CEP57L1: variants seen among roughly 807,000 people sequenced by gnomAD.
CEP57L1 encodes the protein centrosomal protein CEP57L1.
Under a neutral mutation model 61.0 loss-of-function variants are expected in CEP57L1, and 37 were observed. The ratio of observed to expected loss-of-function variants is 0.61; its 90% CI spans 0.47 to 0.80. The LOEUF is 0.80. CEP57L1 is among the 30% of genes least tolerant of loss of function. CEP57L1 has a pLI of 0.00. For synonymous variants in CEP57L1, 137 were observed against 162.3 expected (o/e 0.84, Z 1.19); for missense variants, 422 against 524.7 (o/e 0.80, Z 1.91).
Position 109,167,718 on chromosome 6 carries a change from C to T in CEP57L1, c.*4748C>T, listed in dbSNP as rs566442253. ...GAAAAGAAAAGAAAAAAGGAATAGC[C>T]CAGTATTGTTTGTTTGGGGAGGGGC... On this transcript the variant is annotated 3_prime_UTR_variant, in exon 11 of 11. Transcript: ENST00000517392. 6.6e-6 allele frequency among the ~76,000 whole-genome samples: 1 copy of T among 152,018 alleles called. No homozygotes were observed. The highest frequency in any genetic ancestry group is 1.5e-5 in the Non-Finnish European group (1 of 67,938).
intron 1 of CEP57L1, among the ~76,000 whole-genome samples, chr6:109,138,042 G>T (rs1332504987): frequency 1.3e-5 from 2 of 152,208 alleles, no homozygotes; most frequent in African/African-American, 2.4e-5. Flanking sequence ...GCAGGAGCAT[G>T]TTTGACTATT....
chr6:109,146,189 T>C (rs942518541), intron 2 of CEP57L1, among the ~76,000 whole-genome samples: 7 of 151,928 alleles, frequency 4.6e-5, no homozygotes, highest in African/African-American at 1.7e-4. Context: ...ATTAATATAG[T>C]TGAATATAAG....
intron 1 of CEP57L1, among the ~76,000 whole-genome samples, chr6:109,121,506 A>G (rs1040013198): frequency 1.3e-5 from 2 of 152,176 alleles, no homozygotes; most frequent in African/African-American, 4.8e-5. Context: ...TCTGGATGTA[A>G]TGAAAATATT....
At chr6:109,101,017 G>C (rs1050264328) in intron 1 of CEP57L1, among the ~76,000 whole-genome samples, 18 of 152,192 alleles carry the variant, frequency 1.2e-4, no homozygotes, top group Non-Finnish European at 1.9e-4. Context: ...TGAGGCAGGA[G>C]AATCGCCTGA....
intron 1 of CEP57L1, among the ~76,000 whole-genome samples, chr6:109,119,404 A>T (rs971426787): frequency 3.9e-5 from 6 of 152,174 alleles, no homozygotes; most frequent in Non-Finnish European, 5.9e-5. Flanking sequence ...GGTGGTAAGG[A>T]TGGGAGAGGA....
At chr6:109,157,858 G>C (rs1242605640) in intron 7 of CEP57L1, 1 of 152,130 alleles carries the variant, frequency 6.6e-6, no homozygotes, top group Non-Finnish European at 1.5e-5. Context: ...AATCAGATGT[G>C]TAGATTTTTG....
intron 9 of CEP57L1, 48 bp from the exon 10 acceptor site, chr6:109,160,524 A>T: frequency 7.1e-7 from 1 of 1,399,862 alleles, no homozygotes; most frequent in Non-Finnish European, 9.7e-7. Flanking sequence ...GCAAAGAAAT[A>T]TATGCAATAA....
chr6:109,129,236 A>G (rs572492957), intron 1 of CEP57L1: 1 of 556,494 alleles, frequency 1.8e-6, no homozygotes, highest in South Asian at 3.6e-5. Context: ...GAAACTCCAA[A>G]TCTATCCAAT....
Position 109,127,529 on chromosome 6 carries a change from T to C in CEP57L1, c.-3-17690T>C, listed in dbSNP as rs183197416. 7.2e-5 allele frequency among the ~76,000 whole-genome samples: 11 copies of C among 152,234 alleles called. No homozygotes were observed. The East Asian group carries it at 2.1e-3, about 29-fold the overall frequency. The stretch of plus-strand genomic sequence containing the variant: ...TCTCCTGCTTTTTCCCCACTTCTCT[T>C]AACATTCCTTTTTTTTAATCTCCTT... On this transcript the variant is annotated intron_variant, in intron 1 of 10. Coordinates refer to ENST00000517392, the MANE Select transcript of CEP57L1 (RefSeq NM_001271852.3).
rs1774210078 is a variant in CEP57L1, at chr6:109,167,925, A to G, written c.*4955A>G. 6.6e-6 allele frequency among the ~76,000 whole-genome samples: 1 copy of G among 152,236 alleles called. No individual in the cohort carries two copies. Among genetic ancestry groups the G allele is most frequent in the South Asian group, 2.1e-4 (1 of 4,834 alleles). ...AAAATACTGTATTAGCTACTATGGA[A>G]TTCCGTTTTCAAGTTGCTTATAGTC... On this transcript the variant is annotated 3_prime_UTR_variant, in exon 11 of 11. Transcript: ENST00000517392.
intron 1 of CEP57L1, chr6:109,130,669 T>G (rs546836433): frequency 5.9e-5 from 9 of 151,730 alleles, no homozygotes; most frequent in Admixed American, 2.6e-4. Context: ...TTTTGTTTTT[T>G]TTTTTTTTTT....
rs569140232 is a variant in CEP57L1 at position 109,168,553 on chromosome 6, G to C, written c.*5583G>C. Among the ~76,000 whole-genome samples the C allele has an allele frequency of 6.6e-6, 1 of 150,664 alleles. No homozygotes were observed. The highest frequency in any genetic ancestry group is 2.1e-4 in the South Asian group (1 of 4,772). The stretch of plus-strand genomic sequence containing the variant: ...TTTCATAGTACATACAGTCATACCG[G>C]TGGATTGTCAAATCAATTTAGCGGG... On this transcript the variant is annotated 3_prime_UTR_variant, in exon 11 of 11. Transcript: ENST00000517392.
At chr6:109,159,545 GC>G (rs1773543462) in intron 9 of CEP57L1, 83 bp downstream of exon 9, 2 of 1,315,694 alleles carry the variant, frequency 1.5e-6, no homozygotes, top group African/African-American at 3.0e-5. Context: ...CTGGTTTCAG[GC>G]AATCCTCCTG....
chr6:109,170,658 CTTAAAA>C lies in CEP57L1; in HGVS notation c.*7694_*7699del, dbSNP rs1472355484. Among the ~76,000 whole-genome samples, 1 of 152,198 alleles carries C rather than the reference CTTAAAA, an allele frequency of 6.6e-6. No homozygotes were observed. The highest frequency in any genetic ancestry group is 1.5e-5 in the Non-Finnish European group (1 of 68,024). On this transcript the variant is annotated 3_prime_UTR_variant, in exon 11 of 11. Coordinates refer to ENST00000517392, the MANE Select transcript of CEP57L1 (RefSeq NM_001271852.3). ...ACCATTTTGGTGCACAGGAAACCCA[CTTAAAA>C]TTAAATTTTAAAAAGCTCTCGAGAA... is the stretch of plus-strand genomic sequence containing the variant.
At chr6:109,112,569 G>T (rs1427578455) in intron 1 of CEP57L1, among the ~76,000 whole-genome samples, 1 of 151,918 alleles carries the variant, frequency 6.6e-6, no homozygotes, top group African/African-American at 2.4e-5. Context: ...GAATTTGTTT[G>T]CTGTGGCTTC....
chr6:109,127,679 G>C (rs917014933), intron 1 of CEP57L1, among the ~76,000 whole-genome samples: 2 of 151,898 alleles, frequency 1.3e-5, no homozygotes, highest in African/African-American at 4.8e-5. Flanking sequence ...GGAGTGCAGT[G>C]GCGCAGTCTC....
At position 109,166,181 on chromosome 6, in the gene CEP57L1, T is replaced by C. The variant is rs2114982292; in HGVS notation, c.*3211T>C. On this transcript the variant is annotated 3_prime_UTR_variant, in exon 11 of 11. Transcript: ENST00000517392. ...GAGGGTCAGAGGGAAATGTTCAGTT[T>C]TCAACAATGTAAGATTAAAGTGGGA... Among the ~76,000 whole-genome samples, 1 of 152,262 alleles carries C rather than the reference T, an allele frequency of 6.6e-6. No individual in the cohort carries two copies. Among genetic ancestry groups the C allele is most frequent in the East Asian group, 1.9e-4 (1 of 5,174 alleles).
chr6:109,137,609 A>G (rs1397035079), intron 1 of CEP57L1, among the ~76,000 whole-genome samples: 1 of 152,164 alleles, frequency 6.6e-6, no homozygotes, highest in Non-Finnish European at 1.5e-5. Flanking sequence ...CTCAAAACAT[A>G]CTTTTAATGG....
In CEP57L1 at chr6:109,122,531, G is replaced by A. The variant is rs563146508; in HGVS notation, c.-3-22688G>A. On this transcript the variant is annotated intron_variant, in intron 1 of 10. Transcript: ENST00000517392. ...AAAGACTCATCAGAGGGCCAGGTGC[G>A]GTGGCTCATGGCTGTAATCCCAGTA... Among the ~76,000 whole-genome samples, 146 of 152,142 alleles carry A rather than the reference G, an allele frequency of 9.6e-4. 1 individual carries two copies. Among genetic ancestry groups the A allele is most frequent in the South Asian group, 1.5e-3 (7 of 4,816 alleles).
Sources: allele counts gnomAD v4.1 joint callset (sites outside exome capture counted in the v4.1 genomes callset), GRCh38; gene constraint gnomAD v4.1.1; transcripts MANE v1.5; gene names NCBI Gene and HGNC (gene_info 2026-07-23, HGNC 2026-07-21).